GLIS3: variants seen among roughly 807,000 people sequenced by gnomAD.
GLIS3 encodes zinc finger protein GLIS3.
A neutral mutation model predicts 78.6 loss-of-function variants in GLIS3; 53 were observed. The observed-to-expected ratio is 0.67, with a 90% CI of 0.54 to 0.85. GLIS3 has a LOEUF of 0.85. Ranked by LOEUF, GLIS3 falls within the 40% of genes least tolerant of loss-of-function variation. The pLI, the probability that GLIS3 is intolerant of heterozygous loss-of-function variation, is 0.00. For synonymous variants in GLIS3, 684 were observed against 509.9 expected, an observed-to-expected ratio of 1.34 and a Z score of -4.60; for missense variants, 1,703 against 1,231.1, an observed-to-expected ratio of 1.38 and a Z score of -5.74.
chr9:4,478,480 G>A, the GLIS3 span, among the ~76,000 whole-genome samples: 364 of 151,932 alleles, frequency 2.4e-3, 2 homozygotes, highest in African/African-American at 8.5e-3. Flanking sequence ...GCCTGGTGGC[G>A]GGCGCCTATA....
At chr9:3,898,572 T>C (rs1823042070) in intron 7 of GLIS3, 119 bp downstream of exon 7, 1 of 1,180,860 alleles carries the variant, frequency 8.5e-7, no homozygotes, top group Non-Finnish European at 1.3e-6. Flanking sequence ...TGCAGCCCAT[T>C]GATAAAGAAC....
intron 4 of GLIS3, among the ~76,000 whole-genome samples, chr9:4,029,720 G>T (rs1823663175): frequency 6.6e-6 from 1 of 151,828 alleles, no homozygotes; most frequent in Non-Finnish European, 1.5e-5. Flanking sequence ...GTCTTTCTGT[G>T]CCTGGCTTAT....
At chr9:4,050,894 T>C (rs1825705311) in intron 4 of GLIS3, among the ~76,000 whole-genome samples, 1 of 152,150 alleles carries the variant, frequency 6.6e-6, no homozygotes, top group Non-Finnish European at 1.5e-5. Flanking sequence ...GCAGGTGAAA[T>C]CCTAAACCTG....
chr9:3,923,062 C>T (rs1824993794), intron 6 of GLIS3, among the ~76,000 whole-genome samples: 1 of 152,128 alleles, frequency 6.6e-6, no homozygotes, highest in Non-Finnish European at 1.5e-5. Context: ...ACTGAGAAAC[C>T]TAGAACTGAT....
chr9:4,389,467 C>A, the GLIS3 span, among the ~76,000 whole-genome samples: 1 of 152,130 alleles, frequency 6.6e-6, no homozygotes, highest in Non-Finnish European at 1.5e-5. Context: ...CGTGGGACTT[C>A]CAAAGGCTGC....
intron 6 of GLIS3, among the ~76,000 whole-genome samples, chr9:3,922,565 A>G (rs1031040707): frequency 1.3e-5 from 2 of 152,126 alleles, no homozygotes; most frequent in Non-Finnish European, 2.9e-5. Context: ...TATTTTTTCT[A>G]CAGGAGGGAG....
chr9:4,335,789 C>G (rs990166937), intron 2 of GLIS3, among the ~76,000 whole-genome samples: 3 of 152,220 alleles, frequency 2.0e-5, no homozygotes, highest in African/African-American at 7.2e-5. Context: ...TTGCCCTACT[C>G]TGAATTGCCC....
intron 8 of GLIS3, among the ~76,000 whole-genome samples, chr9:3,859,479 A>AAATTT (rs1563784590): frequency 6.6e-6 from 1 of 152,010 alleles, no homozygotes; most frequent in African/African-American, 2.4e-5. Context: ...AAGGTAAATT[A>AAATTT]AATTTTTTTG....
chr9:4,296,328 T>C (rs1301057100), intron 1 of GLIS3, among the ~76,000 whole-genome samples: 6 of 149,158 alleles, frequency 4.0e-5, no homozygotes, highest in African/African-American at 1.5e-4. Context: ...AACACTGAGC[T>C]CTCTTCTGGA....
intron 4 of GLIS3, among the ~76,000 whole-genome samples, chr9:4,011,145 G>GTCCA (rs1425940110): frequency 3.3e-5 from 5 of 152,106 alleles, no homozygotes; most frequent in Admixed American, 3.3e-4. Flanking sequence ...TAAAAGCAGA[G>GTCCA]TCCAAAATGC....
chr9:4,374,009 A>G, the GLIS3 span, among the ~76,000 whole-genome samples: 1 of 152,184 alleles, frequency 6.6e-6, no homozygotes, highest in Non-Finnish European at 1.5e-5. Context: ...AATTTACTTC[A>G]TACATGGGCA....
intron 4 of GLIS3, among the ~76,000 whole-genome samples, chr9:4,110,159 A>G (rs1423791279): frequency 6.6e-6 from 1 of 152,226 alleles, no homozygotes; most frequent in Non-Finnish European, 1.5e-5. Flanking sequence ...ATGAGTGAAC[A>G]CATCAGTACA....
intron 2 of GLIS3, among the ~76,000 whole-genome samples, chr9:4,180,799 C>A (rs918914684): frequency 6.6e-6 from 1 of 152,160 alleles, no homozygotes. Context: ...TGAGGAGCGG[C>A]GGTGTAGCAG....
chr9:3,994,161 T>TCATATAAATCTC (rs1820554207), intron 4 of GLIS3, among the ~76,000 whole-genome samples: 1 of 152,202 alleles, frequency 6.6e-6, no homozygotes, highest in African/African-American at 2.4e-5. Flanking sequence ...TATACTCTGG[T>TCATATAAATCTC]TTCTCTTCGG....
chr9:4,218,175 A>G (rs1481823427), intron 2 of GLIS3, among the ~76,000 whole-genome samples: 1 of 152,220 alleles, frequency 6.6e-6, no homozygotes, highest in East Asian at 1.9e-4. Context: ...CTGCTACCAC[A>G]TCGTATCAAT....
the GLIS3 span, among the ~76,000 whole-genome samples, chr9:4,442,879 C>T: frequency 7.9e-5 from 12 of 152,174 alleles, no homozygotes; most frequent in Middle Eastern, 3.4e-3. Context: ...GTTTCCCAGA[C>T]CCCAGTCCAG....
intron 4 of GLIS3, among the ~76,000 whole-genome samples, chr9:4,077,018 C>T (rs987504217): frequency 1.3e-4 from 20 of 152,282 alleles, no homozygotes; most frequent in Admixed American, 6.5e-4. Flanking sequence ...GAGCTCAAGC[C>T]TCTGCACTCC....
chr9:4,355,807 G>C, the GLIS3 span, among the ~76,000 whole-genome samples: 9 of 152,150 alleles, frequency 5.9e-5, no homozygotes, highest in Non-Finnish European at 1.3e-4. Flanking sequence ...AATGATGAAA[G>C]AGTCAGTGGT....
intron 8 of GLIS3, among the ~76,000 whole-genome samples, chr9:3,865,062 G>A (rs182810721): frequency 1.5e-4 from 23 of 152,274 alleles, no homozygotes; most frequent in African/African-American, 5.5e-4. Flanking sequence ...GGCTCCGAGG[G>A]GAGAATATGT....
Sources: gnomAD v4.1 joint callset for allele counts (sites outside exome capture counted in the v4.1 genomes callset) on GRCh38, gnomAD v4.1.1 for gene constraint, MANE v1.5 for transcripts, NCBI Gene and HGNC (gene_info 2026-07-23, HGNC 2026-07-21) for gene names.